The following GARNL3 variants were observed in gnomAD, a reference collection of about 807,000 sequenced individuals.
GARNL3 encodes GTPase-activating Rap/Ran-GAP domain-like protein 3.
GARNL3 carries 63 observed loss-of-function variants against 125.0 expected under a neutral mutation model. The observed-to-expected ratio is 0.50, with a 90% confidence interval of 0.41 to 0.62. The LOEUF (loss-of-function observed/expected upper bound fraction) is 0.62, where lower values mean the gene tolerates loss of function less well. Among genes scored for constraint, GARNL3 ranks in the 20% least tolerant of loss-of-function variants. The pLI is 0.00. For missense variants in GARNL3, 994 were observed against 1,244.0 expected, an observed-to-expected ratio of 0.80 and a Z score of 3.02; for synonymous variants, 439 against 457.5, an observed-to-expected ratio of 0.96 and a Z score of 0.52.
At chr9:127,296,958 A>G (rs1038483784) in intron 2 of GARNL3, among the ~76,000 whole-genome samples, 2 of 151,994 alleles carry the variant, frequency 1.3e-5, no homozygotes, top group Admixed American at 1.3e-4. Flanking sequence ...CCTTAGAACA[A>G]AAGATGTTCC....
At chr9:127,237,273 TG>T (rs1264447612) in intron 1 of GARNL3, among the ~76,000 whole-genome samples, 1 of 152,216 alleles carries the variant, frequency 6.6e-6, no homozygotes, top group Non-Finnish European at 1.5e-5. Context: ...GAGCCACCAC[TG>T]CTACTTCAGA....
chr9:127,246,956 T>C (rs548177193), intron 2 of GARNL3, among the ~76,000 whole-genome samples: 2 of 121,464 alleles, frequency 1.6e-5, no homozygotes, highest in South Asian at 5.6e-4. Context: ...TTTTTTTGCG[T>C]CAATGTTAAT....
intron 1 of GARNL3, among the ~76,000 whole-genome samples, chr9:127,278,349 A>G (rs374869666): frequency 6.6e-6 from 1 of 152,258 alleles, no homozygotes; most frequent in African/African-American, 2.4e-5. Context: ...GTTGTCTTCC[A>G]TAAATGACTT....
At chr9:127,353,809 G>T in intron 17 of GARNL3, 37 bp from the exon 18 acceptor site, 1 of 1,371,882 alleles carries the variant, frequency 7.3e-7, no homozygotes, top group Non-Finnish European at 1.0e-6. Flanking sequence ...AGCGTGGGCT[G>T]GGTTGCAGTG....
intron 18 of GARNL3, 59 bp from the exon 19 acceptor site, chr9:127,354,235 C>T: frequency 1.5e-6 from 2 of 1,326,678 alleles, no homozygotes; most frequent in East Asian, 4.6e-5. Flanking sequence ...CCCTGGAGGC[C>T]CTCCAGGTTA....
intron 13 of GARNL3, among the ~76,000 whole-genome samples, chr9:127,340,646 C>A (rs911386797): frequency 6.7e-6 from 1 of 149,330 alleles, no homozygotes; most frequent in African/African-American, 2.5e-5. Context: ...TCTAGAATGC[C>A]CCTCTCTTCA....
chr9:127,257,098 T>G (rs1177039386), intron 2 of GARNL3, among the ~76,000 whole-genome samples: 1 of 152,240 alleles, frequency 6.6e-6, no homozygotes, highest in Non-Finnish European at 1.5e-5. Flanking sequence ...GTTGGATACA[T>G]TAGTAGTTTG....
intron 22 of GARNL3, chr9:127,366,931 G>C (rs914748036): frequency 2.7e-5 from 4 of 148,550 alleles, no homozygotes; most frequent in African/African-American, 4.9e-5. Flanking sequence ...TCTCAGGATG[G>C]GATCGGTGTG....
intron 22 of GARNL3, among the ~76,000 whole-genome samples, chr9:127,366,549 C>CT (rs1159189218): frequency 6.6e-6 from 1 of 152,144 alleles, no homozygotes; most frequent in African/African-American, 2.4e-5. Flanking sequence ...AAAGTATGCT[C>CT]TTTTTTCTGA....
At chr9:127,347,263 A>T (rs1053629423) in intron 16 of GARNL3, among the ~76,000 whole-genome samples, 7 of 151,996 alleles carry the variant, frequency 4.6e-5, no homozygotes, top group African/African-American at 1.7e-4. Flanking sequence ...CACAAAAAAA[A>T]TTAAAAAAAT....
At chr9:127,300,265 T>A (rs77591986) in intron 2 of GARNL3, 3,992 of 260,920 alleles carry the variant, frequency 0.015, 173 homozygotes, top group African/African-American at 0.088. Flanking sequence ...TTTTTTAAGA[T>A]CAATTTCAAA....
chr9:127,270,233 T>C (rs997809591), intron 1 of GARNL3, among the ~76,000 whole-genome samples: 1 of 152,234 alleles, frequency 6.6e-6, no homozygotes, highest in Admixed American at 6.5e-5. Flanking sequence ...CAATTGACTA[T>C]AGATGTGAGG....
chr9:127,310,740 C>T (rs2065070700), intron 2 of GARNL3, among the ~76,000 whole-genome samples: 1 of 148,904 alleles, frequency 6.7e-6, no homozygotes, highest in Non-Finnish European at 1.5e-5. Context: ...CACCACTGCA[C>T]TCCAGCCTGT....
chr9:127,300,065 A>T (rs1456678725), intron 2 of GARNL3: 2 of 311,438 alleles, frequency 6.4e-6, no homozygotes, highest in Non-Finnish European at 1.3e-5. Context: ...AGCTCAGGTC[A>T]TTAAAAACAG....
chr9:127,304,425 T>G (rs2064888659), intron 2 of GARNL3, among the ~76,000 whole-genome samples: 2 of 151,768 alleles, frequency 1.3e-5, no homozygotes, highest in Admixed American at 1.3e-4. Flanking sequence ...CAGTATCTGC[T>G]AAAACTGAAC....
intron 1 of GARNL3, among the ~76,000 whole-genome samples, chr9:127,231,050 A>ATTTTTTTTTTT (rs71308298): frequency 4.5e-5 from 4 of 89,580 alleles, no homozygotes; most frequent in African/African-American, 7.9e-5. Flanking sequence ...ATATATATAT[A>ATTTTTTTTTTT]TTTTTTTTTT....
intron 9 of GARNL3, among the ~76,000 whole-genome samples, chr9:127,334,381 G>A (rs1829434751): frequency 6.6e-6 from 1 of 152,174 alleles, no homozygotes; most frequent in African/African-American, 2.4e-5. Context: ...TCGAGTGCAG[G>A]TCTCCTTACC....
chr9:127,383,805 A>C (rs1021648145), intron 23 of GARNL3, among the ~76,000 whole-genome samples: 3 of 152,098 alleles, frequency 2.0e-5, no homozygotes, highest in African/African-American at 2.4e-5. Flanking sequence ...GTCATTTTTC[A>C]GTACTTGGTT....
intron 4 of GARNL3, 140 bp downstream of exon 4, chr9:127,313,699 T>C (rs920540183): frequency 4.8e-5 from 33 of 692,612 alleles, no homozygotes; most frequent in Non-Finnish European, 7.6e-5. Flanking sequence ...AAGTTGACAG[T>C]GCCTTTGCCC....
Sources: gnomAD v4.1 joint callset for allele counts (sites outside exome capture counted in the v4.1 genomes callset) on GRCh38, gnomAD v4.1.1 for gene constraint, MANE v1.5 for transcripts, NCBI Gene and HGNC (gene_info 2026-07-23, HGNC 2026-07-21) for gene names.